The following AASDH variants were observed in gnomAD, a reference collection of about 807,000 sequenced individuals.
The protein encoded by AASDH is beta-alanine-activating enzyme.
In AASDH, 81 loss-of-function variants were observed where a neutral mutation model predicts 102.3. The observed-to-expected ratio is 0.79, with a 90% confidence interval of 0.66 to 0.95. The LOEUF (loss-of-function observed/expected upper bound fraction) is 0.95. AASDH is among the 40% of genes least tolerant of loss of function. The probability of loss-of-function intolerance (pLI) is 0.00; values close to 1 mark genes in which losing one functional copy is unlikely to be tolerated. For missense variants in AASDH, 1,203 were observed against 1,266.2 expected, an observed-to-expected ratio of 0.95 and a Z score of 0.76; for synonymous variants, 398 against 454.0, an observed-to-expected ratio of 0.88 and a Z score of 1.57.
chr4:56,362,263 CTTTG>C (rs905905002), intron 5 of AASDH, among the ~76,000 whole-genome samples: 7 of 148,648 alleles, frequency 4.7e-5, no homozygotes, highest in African/African-American at 7.6e-5. Context: ...CTTTTTTTTT[CTTTG>C]TTTGTTTGTT....
intron 11 of AASDH, 74 bp downstream of exon 11, chr4:56,349,189 T>A (rs777211149): frequency 1.4e-5 from 21 of 1,480,698 alleles, no homozygotes; most frequent in Non-Finnish European, 1.7e-5. Context: ...TTTTAAAAAA[T>A]TTAACTTGGG....
intron 13 of AASDH, 102 bp from the exon 14 acceptor site, chr4:56,343,068 AGCAGAAAAT>A: frequency 8.4e-7 from 1 of 1,188,678 alleles, no homozygotes; most frequent in Non-Finnish European, 1.1e-6. Context: ...GAACTAAAAT[AGCAGAAAAT>A]GCTGTAGTGG....
At chr4:56,354,239 T>C (rs1749333975) in intron 7 of AASDH, 28 bp from the exon 8 acceptor site, 10 of 1,493,092 alleles carry the variant, frequency 6.7e-6, no homozygotes, top group African/African-American at 1.4e-5. Context: ...ACCAATGTCA[T>C]AAAAATCCAA....
chr4:56,383,958 AAAC>A (rs1210462998), intron 2 of AASDH, 109 bp downstream of exon 2: 1 of 864,926 alleles, frequency 1.2e-6, no homozygotes, highest in African/African-American at 1.7e-5. Context: ...ACAATTGACC[AAAC>A]AATATAGAAA....
chr4:56,387,056 CAA>C (rs1366032561), intron 1 of AASDH, among the ~76,000 whole-genome samples: 1 of 152,134 alleles, frequency 6.6e-6, no homozygotes, highest in Non-Finnish European at 1.5e-5. Flanking sequence ...CAACGAGTAA[CAA>C]TGCAATTTAC....
intron 2 of AASDH, among the ~76,000 whole-genome samples, chr4:56,383,193 T>C (rs1449854271): frequency 1.3e-5 from 2 of 152,216 alleles, no homozygotes; most frequent in Non-Finnish European, 2.9e-5. Flanking sequence ...TTAAGTAGTT[T>C]CAGGTATACT....
At chr4:56,355,593 G>GTTTTTTTT (rs149149581) in intron 5 of AASDH, among the ~76,000 whole-genome samples, 170 bp from the exon 6 acceptor site, 5 of 91,904 alleles carry the variant, frequency 5.4e-5, no homozygotes, top group Admixed American at 1.4e-4. Flanking sequence ...TTATCTTCTT[G>GTTTTTTTT]TTTTTTTTTT....
intron 5 of AASDH, among the ~76,000 whole-genome samples, chr4:56,363,239 G>T (rs1750543495): frequency 6.6e-6 from 1 of 152,242 alleles, no homozygotes; most frequent in African/African-American, 2.4e-5. Flanking sequence ...CTCAAACTGG[G>T]TGGAGCCCAG....
chr4:56,381,647 T>TCACACACACACACACACACA (rs1491305464), intron 3 of AASDH: 15 of 27,334 alleles, frequency 5.5e-4, no homozygotes, highest in Admixed American at 1.8e-3. Context: ...TCTTGACACT[T>TCACACACACACACACACACA]CTCACACACA....
chr4:56,344,627 A>G (rs2109853375), intron 12 of AASDH, among the ~76,000 whole-genome samples: 1 of 152,206 alleles, frequency 6.6e-6, no homozygotes, highest in African/African-American at 2.4e-5. Context: ...TTTTTATGTA[A>G]TCAGGTCTTA....
At chr4:56,347,131 G>A (rs946646371) in intron 11 of AASDH, among the ~76,000 whole-genome samples, 6 of 151,638 alleles carry the variant, frequency 4.0e-5, no homozygotes, top group South Asian at 2.1e-4. Context: ...TTATTTCAAC[G>A]GCTATAACAA....
intron 4 of AASDH, 107 bp from the exon 5 acceptor site, chr4:56,371,750 C>CAGATTTTA: frequency 9.5e-7 from 1 of 1,052,582 alleles, no homozygotes; most frequent in Non-Finnish European, 1.3e-6. Context: ...GAATGTTGGC[C>CAGATTTTA]AGATTTTATT....
chr4:56,347,621 G>C (rs917300929), intron 11 of AASDH, among the ~76,000 whole-genome samples: 9 of 152,110 alleles, frequency 5.9e-5, no homozygotes, highest in African/African-American at 2.2e-4. Flanking sequence ...TGCTCACCAG[G>C]CCAGACATGG....
chr4:56,347,822 C>T (rs1748494364), intron 11 of AASDH, among the ~76,000 whole-genome samples: 1 of 152,052 alleles, frequency 6.6e-6, no homozygotes, highest in South Asian at 2.1e-4. Flanking sequence ...TCATTTAATC[C>T]TCCCAAAAGC....
intron 5 of AASDH, among the ~76,000 whole-genome samples, chr4:56,360,435 A>T (rs950651126): frequency 6.6e-6 from 1 of 152,194 alleles, no homozygotes; most frequent in Non-Finnish European, 1.5e-5. Context: ...AAATTAAGTG[A>T]GCCCCTTCAA....
At position 56,354,749 on chromosome 4, in the gene AASDH, G is replaced by T. The variant is rs550241595; in HGVS notation, c.1166C>A (p.Thr389Asn). ...GCCTTCCTGAATTGTGAAGCCATTAGTATCTCTGACTTCAACTACTGTTCC... is the reference window on the plus strand; with the variant it reads ...GCCTTCCTGAATTGTGAAGCCATTATTATCTCTGACTTCAACTACTGTTCC... Reference protein sequence around the residue: ...LLGTVVEVRDTNGFTIQEGSG... With the variant: ...LLGTVVEVRDNNGFTIQEGSG... The change falls in exon 7 of 15, where the codon ACT becomes AAT. Residue 389 changes from threonine (T) to asparagine (N), a missense_variant. Transcript: ENST00000205214. 2 of 1,611,468 alleles carry T rather than the reference G, an allele frequency of 1.2e-6. No individual in the cohort carries two copies. The highest frequency in any genetic ancestry group is 3.3e-4 in the Middle Eastern group (2 of 6,048).
intron 10 of AASDH, among the ~76,000 whole-genome samples, 178 bp from the exon 11 acceptor site, chr4:56,350,236 C>G (rs1748844540): frequency 6.6e-6 from 1 of 152,218 alleles, no homozygotes; most frequent in Non-Finnish European, 1.5e-5. Context: ...GGGCAGATCA[C>G]ATGAGGTCAG....
rs150383923 is a variant in AASDH at position 56,343,772 on chromosome 4, TTAATA to T, written c.2653-93_2653-89del. The T allele has an allele frequency of 5.5e-4, 711 of 1,303,560 alleles. 2 individuals carry two copies. The African/African-American group carries it at 9.9e-3, about 18-fold the overall frequency. 80.7% of individuals were successfully genotyped at this position (1,303,560 alleles called of 1,614,324 possible). A position where few individuals can be genotyped will look rare whatever the true frequency, so the allele number is the denominator to read the frequency against. ...CCTTCATGATATTATGTCTGTTTAG[TTAATA>T]TAAGTTTTTATCTTTAGTATAAAGT... On this transcript the variant is annotated intron_variant, in intron 12 of 14. Coordinates refer to ENST00000205214, the MANE Select transcript of AASDH (RefSeq NM_181806.4).
At chr4:56,374,973 T>G (rs1752180864) in intron 4 of AASDH, among the ~76,000 whole-genome samples, 1 of 152,360 alleles carries the variant, frequency 6.6e-6, no homozygotes, top group East Asian at 1.9e-4. Flanking sequence ...AAATTAGATT[T>G]CAAAATTTCA....
Sources: gnomAD v4.1 joint callset for allele counts (sites outside exome capture counted in the v4.1 genomes callset) on GRCh38, gnomAD v4.1.1 for gene constraint, MANE v1.5 for transcripts, NCBI Gene and HGNC (gene_info 2026-07-23, HGNC 2026-07-21) for gene names.